The following HERC1 variants were observed in gnomAD, a reference collection of about 807,000 sequenced individuals.
HERC1 encodes probable E3 ubiquitin-protein ligase HERC1.
In HERC1, 160 loss-of-function variants were observed where a neutral mutation model predicts 554.3. The ratio of observed to expected loss-of-function variants is 0.29; its 90% CI spans 0.25 to 0.33. The LOEUF (loss-of-function observed/expected upper bound fraction) is 0.33, where lower values mean the gene tolerates loss of function less well. Among genes scored for constraint, HERC1 ranks in the 10% least tolerant of loss-of-function variants. The pLI, the probability that HERC1 is intolerant of heterozygous loss-of-function variation, is 1.00. For missense variants in HERC1, 4,919 were observed against 5,918.5 expected, an observed-to-expected ratio of 0.83 and a Z score of 5.54; for synonymous variants, 2,175 against 2,131.7, an observed-to-expected ratio of 1.02 and a Z score of -0.56.
intron 42 of HERC1, 71 bp downstream of exon 42, chr15:63,665,848 C>T (rs544208395): frequency 8.7e-5 from 92 of 1,060,182 alleles, no homozygotes; most frequent in East Asian, 2.6e-4. Flanking sequence ...GCATTTATGA[C>T]GGGATATATA....
At chr15:63,724,282 A>T (rs370631768) in intron 18 of HERC1, among the ~76,000 whole-genome samples, 11 of 152,334 alleles carry the variant, frequency 7.2e-5, no homozygotes, top group East Asian at 3.9e-4. Flanking sequence ...TATCTTTATC[A>T]TGTTAAAGAC....
At chr15:63,740,213 T>C (rs997478759) in intron 12 of HERC1, among the ~76,000 whole-genome samples, 10 of 152,188 alleles carry the variant, frequency 6.6e-5, no homozygotes, top group Admixed American at 5.2e-4. Context: ...TCCAGCCACT[T>C]AGGATAATAT....
intron 12 of HERC1, among the ~76,000 whole-genome samples, chr15:63,744,162 GTGTCTCTCTCTCTC>G (rs1567078102): frequency 2.5e-4 from 9 of 35,712 alleles, no homozygotes; most frequent in African/African-American, 5.8e-4. Context: ...GTGTGTGTGT[GTGTCTCTCTCTCTC>G]TCTCTCTCTC....
At chr15:63,639,716 G>A (rs2068949761) in intron 61 of HERC1, among the ~76,000 whole-genome samples, 2 of 152,144 alleles carry the variant, frequency 1.3e-5, no homozygotes, top group South Asian at 4.1e-4. Flanking sequence ...AATACAAACA[G>A]AATGAAATGA....
chr15:63,618,530 T>C (rs1487282769), intron 74 of HERC1, among the ~76,000 whole-genome samples: 1 of 151,918 alleles, frequency 6.6e-6, no homozygotes, highest in East Asian at 1.9e-4. Context: ...TTTTTTCCAA[T>C]TCTGTGAAGA....
Position 63,609,811 on chromosome 15 carries a change from A to G in HERC1, c.14401-545T>C, listed in dbSNP as rs146843064. On this transcript the variant is annotated intron_variant, in intron 77 of 77. Coordinates refer to ENST00000443617, the MANE Select transcript of HERC1 (RefSeq NM_003922.4). ...CAGCTCACATAAGGAAGGGGCAGTC[A>G]ATTAAACTCCAGTCCATCCATTCAA... Among the ~76,000 whole-genome samples the G allele has an allele frequency of 3.0e-4, 45 of 152,312 alleles. No homozygotes were observed. The East Asian group carries it at 8.3e-3, about 28-fold the overall frequency.
At chr15:63,783,585 T>C (rs999571662) in intron 1 of HERC1, among the ~76,000 whole-genome samples, 4 of 152,206 alleles carry the variant, frequency 2.6e-5, no homozygotes. Flanking sequence ...TTATTTGCTT[T>C]ACTGTACTTT....
intron 36 of HERC1, among the ~76,000 whole-genome samples, chr15:63,679,455 A>G (rs2071368730): frequency 6.6e-6 from 1 of 152,260 alleles, no homozygotes; most frequent in Non-Finnish European, 1.5e-5. Flanking sequence ...CTTCTACTAC[A>G]TAATGGCTAG....
intron 22 of HERC1, among the ~76,000 whole-genome samples, chr15:63,716,024 A>C (rs1008323856): frequency 2.6e-5 from 4 of 152,072 alleles, no homozygotes; most frequent in Non-Finnish European, 5.9e-5. Context: ...CTATCTGATG[A>C]CTCATGAGTT....
intron 12 of HERC1, among the ~76,000 whole-genome samples, chr15:63,745,503 T>G (rs1415252642): frequency 1.3e-5 from 2 of 152,226 alleles, no homozygotes; most frequent in Non-Finnish European, 2.9e-5. Flanking sequence ...AGGTGTCAGC[T>G]GAGTTTGGTC....
chr15:63,755,009 C>T (rs940296887), intron 6 of HERC1, among the ~76,000 whole-genome samples: 6 of 152,114 alleles, frequency 3.9e-5, no homozygotes, highest in African/African-American at 1.2e-4. Context: ...AATGCCTGGT[C>T]ATAATAGGGC....
intron 3 of HERC1, among the ~76,000 whole-genome samples, chr15:63,759,889 T>C (rs1243596460): frequency 6.6e-6 from 1 of 152,232 alleles, no homozygotes; most frequent in African/African-American, 2.4e-5. Flanking sequence ...ACAAATATTT[T>C]CCAGTGAACA....
chr15:63,661,560 A>C (rs569355466), intron 45 of HERC1, among the ~76,000 whole-genome samples, 193 bp downstream of exon 45: 1 of 152,360 alleles, frequency 6.6e-6, no homozygotes, highest in South Asian at 2.1e-4. Context: ...CCAGGGAAGG[A>C]TATGTTGCTA....
At chr15:63,623,629 A>G (rs2068180560) in intron 73 of HERC1, 96 bp downstream of exon 73, 1 of 1,199,056 alleles carries the variant, frequency 8.3e-7, no homozygotes, top group Non-Finnish European at 1.2e-6. Context: ...TCCTTGCTAC[A>G]TTTATAAAAA....
intron 3 of HERC1, among the ~76,000 whole-genome samples, chr15:63,763,202 T>C (rs143141943): frequency 3.6e-4 from 55 of 152,282 alleles, no homozygotes; most frequent in African/African-American, 1.3e-3. Flanking sequence ...TTGGGTCTGA[T>C]CACCCCAACA....
Position 63,794,068 on chromosome 15 carries a change from A to T in HERC1, c.-26-18419T>A, listed in dbSNP as rs148354835. On this transcript the variant is annotated intron_variant, in intron 1 of 77. Coordinates refer to ENST00000443617, the MANE Select transcript of HERC1 (RefSeq NM_003922.4). ...TCCCATCAGCGCCATGACAGTTTAC[A>T]AATCCCATGGCACTGTCAGGAAGTC... Among the ~76,000 whole-genome samples, 487 of 152,322 alleles carry T rather than the reference A, an allele frequency of 3.2e-3. 4 individuals are homozygous for T. The highest frequency in any genetic ancestry group is 4.9e-3 in the Non-Finnish European group (330 of 68,022).
At chr15:63,615,262 C>T (rs532443227) in intron 76 of HERC1, among the ~76,000 whole-genome samples, 8 of 152,148 alleles carry the variant, frequency 5.3e-5, no homozygotes, top group African/African-American at 1.9e-4. Flanking sequence ...ATTTAAGGCA[C>T]TGGGTATGGA....
intron 39 of HERC1, among the ~76,000 whole-genome samples, chr15:63,670,981 C>T (rs374710929): frequency 7.9e-5 from 12 of 152,058 alleles, no homozygotes; most frequent in South Asian, 4.2e-4. Context: ...GTGGGCAGAT[C>T]CCCTGAGGTT....
At chr15:63,795,346 A>G (rs2144481071) in intron 1 of HERC1, among the ~76,000 whole-genome samples, 1 of 152,266 alleles carries the variant, frequency 6.6e-6, no homozygotes, top group East Asian at 1.9e-4. Context: ...ATAATTTTAA[A>G]ATAAAATAAC....
Sources: gnomAD v4.1 joint callset for allele counts (sites outside exome capture counted in the v4.1 genomes callset) on GRCh38, gnomAD v4.1.1 for gene constraint, MANE v1.5 for transcripts, NCBI Gene and HGNC (gene_info 2026-07-23, HGNC 2026-07-21) for gene names.